CDK13: variants seen among roughly 807,000 people sequenced by gnomAD.
CDK13 encodes cyclin dependent kinase 13.
In CDK13, 40 loss-of-function variants were observed where a neutral mutation model predicts 137.6. The observed-to-expected ratio is 0.29, with a 90% CI of 0.23 to 0.38. CDK13 has a LOEUF of 0.38. CDK13 is among the 10% of genes least tolerant of loss of function. The pLI is 1.00. For missense variants in CDK13, 1,704 were observed against 1,951.8 expected (o/e 0.87, Z 2.39); for synonymous variants, 869 against 760.1 (o/e 1.14, Z -2.36).
intron 5 of CDK13, among the ~76,000 whole-genome samples, chr7:40,029,620 T>TGAGAGAGA (rs371626943): frequency 1.4e-5 from 2 of 145,902 alleles, no homozygotes; most frequent in East Asian, 2.0e-4. Flanking sequence ...CTCGGGAGGC[T>TGAGAGAGA]GAGAGAGAGA....
chr7:40,018,721 A>G (rs1283231678), intron 5 of CDK13, among the ~76,000 whole-genome samples: 1 of 152,188 alleles, frequency 6.6e-6, no homozygotes, highest in African/African-American at 2.4e-5. Context: ...ATGCAAATAC[A>G]TTCAAAGTGG....
chr7:40,091,437 G>T (rs1430274985), intron 12 of CDK13, among the ~76,000 whole-genome samples: 1 of 151,978 alleles, frequency 6.6e-6, no homozygotes, highest in Non-Finnish European at 1.5e-5. Flanking sequence ...CAGGAAAATT[G>T]CTTGAACATG....
intron 1 of CDK13, chr7:39,985,992 G>T (rs996717272): frequency 1.3e-5 from 2 of 152,196 alleles, no homozygotes; most frequent in Non-Finnish European, 2.9e-5. Flanking sequence ...GCCTCCTTCT[G>T]TCAGTGGCAG....
chr7:40,076,251 C>A (rs1786542156), intron 9 of CDK13, among the ~76,000 whole-genome samples: 1 of 152,086 alleles, frequency 6.6e-6, no homozygotes, highest in African/African-American at 2.4e-5. Context: ...GAAAAGAGAC[C>A]TGTAAACAAC....
intron 7 of CDK13, among the ~76,000 whole-genome samples, chr7:40,049,392 A>C (rs1785828828): frequency 6.7e-6 from 1 of 149,592 alleles, no homozygotes. Flanking sequence ...TATTTTAGGA[A>C]AGGGTTGTAT....
chr7:40,002,916 A>C (rs183748700), intron 5 of CDK13, among the ~76,000 whole-genome samples: 7,960 of 150,838 alleles, frequency 0.053, 692 homozygotes, highest in African/African-American at 0.18. Flanking sequence ...AAAAAAAAAA[A>C]AACAACCAGA....
rs72210233 is a variant in CDK13 at position 39,996,961 on chromosome 7, C to CAAAAAAAAAAAAAAAAAAAAA, written c.1872-518_1872-517insAAAAAAAAAAAAAAAAAAAAA. Among the ~76,000 whole-genome samples the CAAAAAAAAAAAAAAAAAAAAA allele has an allele frequency of 2.8e-4, 23 of 83,242 alleles. 1 individual carries two copies. Among genetic ancestry groups the CAAAAAAAAAAAAAAAAAAAAA allele is most frequent in the African/African-American group, 1.8e-3 (23 of 12,728 alleles). 54.6% of individuals were successfully genotyped at this position (83,242 alleles called of 152,430 possible). A position where few individuals can be genotyped will look rare whatever the true frequency, so the allele number is the denominator to read the frequency against. The stretch of plus-strand genomic sequence containing the variant: ...CTTGGGTGACAGTGAGATTCCATCT[C>CAAAAAAAAAAAAAAAAAAAAA]AAAAAAAAAAAAAAAGAAAAAAAAA... On this transcript the variant is annotated intron_variant, in intron 2 of 13. Transcript: ENST00000181839.
chr7:40,010,506 A>G (rs1041873205), intron 5 of CDK13, among the ~76,000 whole-genome samples: 24 of 152,128 alleles, frequency 1.6e-4, no homozygotes, highest in Admixed American at 1.5e-3. Flanking sequence ...CAACATGGGG[A>G]AACCCCGTCT....
chr7:39,987,813 G>GCAA lies in CDK13; in HGVS notation c.1428_1430dup (p.Thr477dup). Reference sequence around the variant, plus strand: ...CGCAGAAGCAGCGAAAGCTGCAGAAGCAACTAAGGCTGCTGAGGCTGCTGC... The same window carrying GCAA: ...CGCAGAAGCAGCGAAAGCTGCAGAAGCAACAACTAAGGCTGCTGAGGCTGCTGC... On this transcript the variant is annotated inframe_insertion, in exon 2 of 14. Coordinates refer to ENST00000181839, the MANE Select transcript of CDK13 (RefSeq NM_003718.5). The GCAA allele has an allele frequency of 6.2e-7, 1 of 1,613,876 alleles. No homozygotes were observed. The highest frequency in any genetic ancestry group is 8.5e-7 in the Non-Finnish European group (1 of 1,179,992).
chr7:40,022,915 G>A (rs1275976080), intron 5 of CDK13, among the ~76,000 whole-genome samples: 2 of 147,944 alleles, frequency 1.4e-5, no homozygotes, highest in African/African-American at 5.0e-5. Flanking sequence ...TGAATGTCCT[G>A]AAAACTTTGC....
intron 4 of CDK13, 87 bp downstream of exon 4, chr7:39,999,587 T>C (rs17537859): frequency 7.5e-7 from 1 of 1,332,858 alleles, no homozygotes; most frequent in Non-Finnish European, 1.0e-6. Flanking sequence ...TCAGAAATTT[T>C]CCAAAAAATT....
chr7:40,074,832 AAAAC>A (rs906530395), intron 9 of CDK13, among the ~76,000 whole-genome samples: 62 of 152,158 alleles, frequency 4.1e-4, no homozygotes, highest in African/African-American at 1.4e-3. Context: ...TTTAAAAAAA[AAAAC>A]AAAATATTTA....
At chr7:40,086,404 G>A (rs953608164) in intron 11 of CDK13, among the ~76,000 whole-genome samples, 2 of 152,154 alleles carry the variant, frequency 1.3e-5, no homozygotes, top group African/African-American at 4.8e-5. Context: ...GTTGCTTAAG[G>A]GAATTTGTAG....
chr7:40,036,314 A>G (rs1451404057), intron 5 of CDK13, among the ~76,000 whole-genome samples: 4 of 152,226 alleles, frequency 2.6e-5, no homozygotes, highest in Admixed American at 2.6e-4. Context: ...CATTTTTAAG[A>G]GACTCATTAT....
chr7:40,090,880 C>CG (rs1562769090), intron 12 of CDK13, among the ~76,000 whole-genome samples: 1 of 151,796 alleles, frequency 6.6e-6, no homozygotes, highest in East Asian at 2.0e-4. Context: ...CTTAAAAAAT[C>CG]AAGAGAAAAG....
intron 5 of CDK13, among the ~76,000 whole-genome samples, chr7:40,044,753 C>T (rs1222943030): frequency 6.6e-6 from 1 of 152,194 alleles, no homozygotes; most frequent in Non-Finnish European, 1.5e-5. Flanking sequence ...TCTCCTGCCT[C>T]AGCCTCCCGA....
chr7:39,995,526 A>G (rs1038939857), intron 2 of CDK13, among the ~76,000 whole-genome samples: 2 of 152,180 alleles, frequency 1.3e-5, no homozygotes, highest in Non-Finnish European at 2.9e-5. Flanking sequence ...TTTGTGTAAC[A>G]CTTTATCCTA....
chr7:40,041,420 A>G (rs1348991857), intron 5 of CDK13, among the ~76,000 whole-genome samples: 1 of 152,218 alleles, frequency 6.6e-6, no homozygotes, highest in African/African-American at 2.4e-5. Context: ...GAGATATTTT[A>G]TATTCTTTTA....
At chr7:40,046,205 A>G (rs1034106409) in intron 6 of CDK13, among the ~76,000 whole-genome samples, 180 bp downstream of exon 6, 4 of 152,128 alleles carry the variant, frequency 2.6e-5, no homozygotes, top group Non-Finnish European at 2.9e-5. Context: ...AACCCCTACT[A>G]TTACACTTGT....
Sources: gnomAD v4.1 joint callset for allele counts (sites outside exome capture counted in the v4.1 genomes callset) on GRCh38, gnomAD v4.1.1 for gene constraint, MANE v1.5 for transcripts, NCBI Gene and HGNC (gene_info 2026-07-23, HGNC 2026-07-21) for gene names.